The following USP28 variants were observed in gnomAD, a reference collection of about 807,000 sequenced individuals.
The protein encoded by USP28 is ubiquitin carboxyl-terminal hydrolase 28.
USP28 carries 113 observed loss-of-function variants against 145.0 expected under a neutral mutation model. The ratio of observed to expected loss-of-function variants is 0.78; its 90% CI spans 0.67 to 0.91. The LOEUF (loss-of-function observed/expected upper bound fraction) is 0.91, where lower values mean the gene tolerates loss of function less well. Among genes scored for constraint, USP28 ranks in the 40% least tolerant of loss-of-function variants. The pLI is 0.00. For synonymous variants in USP28, 447 were observed against 450.9 expected (o/e 0.99, Z 0.11); for missense variants, 1,201 against 1,289.6 (o/e 0.93, Z 1.05).
intron 9 of USP28, 131 bp downstream of exon 9, chr11:113,830,736 A>T (rs1943884404): frequency 2.8e-6 from 2 of 722,610 alleles, no homozygotes; most frequent in Non-Finnish European, 4.5e-6. Flanking sequence ...AGATACCAAG[A>T]GGCAGAACCA....
intron 4 of USP28, 131 bp from the exon 5 acceptor site, chr11:113,840,888 T>G: frequency 8.6e-7 from 1 of 1,159,304 alleles, no homozygotes; most frequent in Non-Finnish European, 1.2e-6. Context: ...AATCCCTAGC[T>G]ATATAAGGAA....
At chr11:113,852,761 G>A in intron 2 of USP28, 128 bp from the exon 3 acceptor site, 2 of 1,081,394 alleles carry the variant, frequency 1.8e-6, no homozygotes, top group Non-Finnish European at 1.3e-6. Context: ...GTAGAATTAT[G>A]AGACTATGGT....
exon 19 of USP28, chr11:113,806,521 C>A: frequency 6.2e-7 from 1 of 1,611,022 alleles, no homozygotes; most frequent in South Asian, 1.1e-5. Flanking sequence ...CCATCTCGGT[C>A]AAAGGTCTGA....
At chr11:113,812,373 G>A (rs1449102305) in exon 16 of USP28, 1 of 1,614,054 alleles carries the variant, frequency 6.2e-7, no homozygotes, top group Non-Finnish European at 8.5e-7. Flanking sequence ...CTTCTTCCCA[G>A]GAAGATTCAG....
intron 20 of USP28, 56 bp downstream of exon 21, chr11:113,804,812 G>C: frequency 6.2e-7 from 1 of 1,611,350 alleles, no homozygotes; most frequent in Non-Finnish European, 8.5e-7. Context: ...CCCCAACAGA[G>C]GAGTCCATCT....
chr11:113,798,066 G>GTTTTTTTTTTTTTTT (rs528048657), exon 25 of USP28: 2 of 91,236 alleles, frequency 2.2e-5, no homozygotes, highest in Non-Finnish European at 3.9e-5. Context: ...ATGTATGCTG[G>GTTTTTTTTTTTTTTT]TTTTTTTTTT....
intron 11 of USP28, among the ~76,000 whole-genome samples, chr11:113,824,923 C>T (rs1313061189): frequency 1.6e-5 from 2 of 124,018 alleles, no homozygotes; most frequent in Non-Finnish European, 3.4e-5. Flanking sequence ...AAGAGCGAAA[C>T]TCCGTCTTAA....
At chr11:113,835,563 A>C (rs1246339938) in intron 5 of USP28, among the ~76,000 whole-genome samples, 1 of 152,220 alleles carries the variant, frequency 6.6e-6, no homozygotes, top group African/African-American at 2.4e-5. Context: ...ATGCTGCACC[A>C]AAGTTCTCTC....
chr11:113,813,085 GCTAA>G (rs1941240384), intron 15 of USP28, among the ~76,000 whole-genome samples: 1 of 152,156 alleles, frequency 6.6e-6, no homozygotes, highest in South Asian at 2.1e-4. Flanking sequence ...ATGCTTAAAT[GCTAA>G]CTAAATACTA....
chr11:113,854,095 C>G (rs1946778997), intron 2 of USP28, among the ~76,000 whole-genome samples, 163 bp downstream of exon 2: 1 of 152,122 alleles, frequency 6.6e-6, no homozygotes, highest in South Asian at 2.1e-4. Context: ...CCCCCAGCCC[C>G]TTATAATTTA....
chr11:113,872,463 G>A lies in USP28; in HGVS notation c.57+2982C>T, dbSNP rs545764565. On this transcript the variant is annotated intron_variant, in intron 1 of 24. Transcript: ENST00000003302. ...GATCGCGCCACTGCACTTCAGCCTG[G>A]GCAACAGAGCGAGACTCCGTCTCAA... 2.6e-5 allele frequency among the ~76,000 whole-genome samples: 4 copies of A among 151,748 alleles called. No individual in the cohort carries two copies. In the South Asian group the frequency reaches 8.3e-4, roughly 32 times the overall value.
rs574234486 is a variant in USP28 at position 113,803,357 on chromosome 11, A to G, written c.2739-76T>C. ...TAGGGCTTAGACCTCACTTTTCCCCATTTCAAGAACCTACTTGGCTGCAAT... is the reference window on the plus strand; with the variant it reads ...TAGGGCTTAGACCTCACTTTTCCCCGTTTCAAGAACCTACTTGGCTGCAAT... On this transcript the variant is annotated intron_variant, in intron 22 of 24. Coordinates refer to ENST00000003302, the Ensembl canonical transcript of USP28. The G allele has an allele frequency of 3.3e-5, 48 of 1,444,444 alleles. No individual in the cohort carries two copies. The African/African-American group carries it at 5.8e-4, about 18-fold the overall frequency. The allele number at this position is 1,444,444 out of a possible 1,614,324, so 89.5% of individuals were successfully genotyped here.
chr11:113,820,117 TA>T, intron 12 of USP28, among the ~76,000 whole-genome samples: 1 of 152,350 alleles, frequency 6.6e-6, no homozygotes, highest in South Asian at 2.1e-4. Flanking sequence ...ACCTCCAGCA[TA>T]AATGAGTTAG....
intron 22 of USP28, 39 bp downstream of exon 23, chr11:113,803,759 C>A: frequency 6.4e-7 from 1 of 1,555,058 alleles, no homozygotes; most frequent in Non-Finnish European, 8.8e-7. Flanking sequence ...AGAACAGCAT[C>A]CTGACTAATA....
intron 1 of USP28, among the ~76,000 whole-genome samples, chr11:113,874,266 A>G (rs962831162): frequency 2.0e-5 from 3 of 151,864 alleles, no homozygotes; most frequent in Non-Finnish European, 4.4e-5. Context: ...AGCCTGACCA[A>G]TATGGTGAAA....
chr11:113,803,461 GA>G (rs962413158), intron 22 of USP28, among the ~76,000 whole-genome samples, 180 bp from the exon 24 acceptor site: 2 of 152,148 alleles, frequency 1.3e-5, no homozygotes, highest in African/African-American at 4.8e-5. Context: ...AAGCAAATAT[GA>G]AACTTCCCTA....
chr11:113,874,587 C>G, intron 1 of USP28: 1 of 1,288,782 alleles, frequency 7.8e-7, no homozygotes, highest in Non-Finnish European at 1.0e-6. Context: ...ATTTGAACAA[C>G]TGGCACAGAT....
At chr11:113,810,754 A>G (rs970295170) in intron 16 of USP28, among the ~76,000 whole-genome samples, 1 of 152,224 alleles carries the variant, frequency 6.6e-6, no homozygotes, top group Non-Finnish European at 1.5e-5. Context: ...AGCTCACTGC[A>G]ACCTTTGCCT....
intron 3 of USP28, among the ~76,000 whole-genome samples, chr11:113,844,605 G>A (rs1302351279): frequency 6.6e-6 from 1 of 152,138 alleles, no homozygotes. Flanking sequence ...AATCTGAATT[G>A]ACATTTCTCC....
Sources: gnomAD v4.1 joint callset for allele counts (sites outside exome capture counted in the v4.1 genomes callset) on GRCh38, gnomAD v4.1.1 for gene constraint, MANE v1.5 for transcripts, NCBI Gene and HGNC (gene_info 2026-07-23, HGNC 2026-07-21) for gene names.